PSME4: variants seen among roughly 807,000 people sequenced by gnomAD.
PSME4 encodes the protein proteasome activator subunit 4.
A neutral mutation model predicts 253.9 loss-of-function variants in PSME4; 89 were observed. The observed-to-expected ratio is 0.35, with a 90% CI of 0.30 to 0.42. The LOEUF (loss-of-function observed/expected upper bound fraction) is 0.42, where lower values mean the gene tolerates loss of function less well. Among genes scored for constraint, PSME4 ranks in the 10% least tolerant of loss-of-function variants. The pLI is 1.00. For synonymous variants in PSME4, 851 were observed against 759.2 expected (o/e 1.12, Z -1.99); for missense variants, 2,014 against 2,195.2 (o/e 0.92, Z 1.65).
At chr2:53,866,635 G>T in intron 45 of PSME4, 112 bp downstream of exon 45, 1 of 1,182,562 alleles carries the variant, frequency 8.5e-7, no homozygotes, top group Non-Finnish European at 1.2e-6. Flanking sequence ...CCTTGGCAGA[G>T]GCAGCAGCTT....
intron 36 of PSME4, among the ~76,000 whole-genome samples, chr2:53,891,442 A>G (rs1679901099): frequency 1.3e-5 from 2 of 152,132 alleles, no homozygotes; most frequent in African/African-American, 4.8e-5. Flanking sequence ...AAAAGGATAT[A>G]CCTTGATTTC....
chr2:53,929,092 G>A (rs1376138281), intron 10 of PSME4, among the ~76,000 whole-genome samples: 1 of 151,964 alleles, frequency 6.6e-6, no homozygotes, highest in Non-Finnish European at 1.5e-5. Flanking sequence ...CTTGAACCTG[G>A]GAGGCGGAGG....
At position 53,937,544 on chromosome 2, in the gene PSME4, A is replaced by T; in HGVS notation, c.546-4T>A. 2.5e-6 allele frequency: 4 copies of T among 1,608,926 alleles called. No homozygotes were observed. Among genetic ancestry groups the T allele is most frequent in the African/African-American group, 1.3e-5 (1 of 74,500 alleles). On this transcript the variant is annotated splice_polypyrimidine_tract_variant and splice_region_variant and intron_variant, in intron 4 of 46. Coordinates refer to ENST00000404125, the MANE Select transcript of PSME4 (RefSeq NM_014614.3). ...GGTGGCATCTGCTGGAAAATATCTAATAAAAAAAGAAGGTTTTCATGTATC... is the reference window on the plus strand; with the variant it reads ...GGTGGCATCTGCTGGAAAATATCTATTAAAAAAAGAAGGTTTTCATGTATC...
At chr2:53,867,649 G>T (rs993847066) in intron 44 of PSME4, among the ~76,000 whole-genome samples, 31 of 139,008 alleles carry the variant, frequency 2.2e-4, no homozygotes, top group African/African-American at 8.2e-4. Flanking sequence ...CAAGGAGGGC[G>T]ATAGAGGAAG....
chr2:53,927,540 G>T, intron 11 of PSME4, 57 bp from the exon 12 acceptor site: 1 of 1,213,406 alleles, frequency 8.2e-7, no homozygotes, highest in Non-Finnish European at 1.2e-6. Context: ...AGAAATACAA[G>T]TATACCATGA....
In PSME4 at chr2:53,895,739, A is replaced by G. The variant is rs748236045; in HGVS notation, c.3689-3T>C. The G allele has an allele frequency of 2.5e-6, 4 of 1,578,086 alleles. No homozygotes were observed. The South Asian group carries it at 4.7e-5, about 19-fold the overall frequency. On this transcript the variant is annotated splice_region_variant and splice_polypyrimidine_tract_variant and intron_variant, in intron 32 of 46. Coordinates refer to ENST00000404125, the MANE Select transcript of PSME4 (RefSeq NM_014614.3). Reference sequence around the variant, plus strand: ...TTGGGTGGGTTTAGGGCATCCACCTAAGGAAAAGACAATCACATTTGATGA... The same window carrying G: ...TTGGGTGGGTTTAGGGCATCCACCTGAGGAAAAGACAATCACATTTGATGA...
At chr2:53,912,288 G>A (rs1667860266) in intron 20 of PSME4, among the ~76,000 whole-genome samples, 1 of 152,102 alleles carries the variant, frequency 6.6e-6, no homozygotes, top group Admixed American at 6.5e-5. Context: ...TATGCTGTAG[G>A]TCCAATCCCC....
Position 53,952,636 on chromosome 2 carries a change from A to G in PSME4, c.243-3353T>C, listed in dbSNP as rs185421210. 2.2e-3 allele frequency among the ~76,000 whole-genome samples: 339 copies of G among 152,218 alleles called. 1 individual carries two copies. The highest frequency in any genetic ancestry group is 8.0e-3 in the African/African-American group (331 of 41,524). On this transcript the variant is annotated intron_variant, in intron 1 of 46. Transcript: ENST00000404125. ...ACTTCTGCAGAAAAACTAGAGAAAC[A>G]CTGTACTCTAAGCCAGCAGTCCCCA...
Position 53,926,033 on chromosome 2 carries a change from C to A in PSME4, c.1594-10G>T. ...AAAGTTCTCGTTCCACCTATAATAT[C>A]CCAATATGGAGAAAGATTACATATA... On this transcript the variant is annotated splice_polypyrimidine_tract_variant and intron_variant, in intron 12 of 46. Coordinates refer to ENST00000404125, the MANE Select transcript of PSME4 (RefSeq NM_014614.3). 5 of 1,605,698 alleles carry A rather than the reference C, an allele frequency of 3.1e-6. No homozygotes were observed. Among genetic ancestry groups the A allele is most frequent in the South Asian group, 1.1e-5 (1 of 90,670 alleles).
At chr2:53,894,109 T>C (rs1680034362) in intron 34 of PSME4, among the ~76,000 whole-genome samples, 1 of 152,178 alleles carries the variant, frequency 6.6e-6, no homozygotes, top group Non-Finnish European at 1.5e-5. Context: ...GTGTGCAATT[T>C]GTTAAAATCC....
In PSME4 at chr2:53,895,649, G is replaced by A; in HGVS notation, c.3776C>T (p.Thr1259Ile). The change falls in exon 33 of 47, where the codon ACT becomes ATT. Residue 1259 changes from threonine to isoleucine, a missense_variant. Thr to Ile is a moderately conservative substitution (Grantham distance 89). Transcript: ENST00000404125. Reference sequence around the variant, plus strand: ...GCAACTTGACTCCCATTCTTTTTTAGTTCTTGGTATAGTTTTGCTGTCATA... The same window carrying A: ...GCAACTTGACTCCCATTCTTTTTTAATTCTTGGTATAGTTTTGCTGTCATA... ...LHYDSKTIPR[T>I]KKEWESSCFV... The A allele has an allele frequency of 6.2e-7, 1 of 1,613,292 alleles. No individual in the cohort carries two copies. The highest frequency in any genetic ancestry group is 8.5e-7 in the Non-Finnish European group (1 of 1,179,740).
chr2:53,877,271 T>A (rs1045245806), intron 41 of PSME4, among the ~76,000 whole-genome samples: 59 of 131,386 alleles, frequency 4.5e-4, no homozygotes, highest in African/African-American at 1.6e-3. Context: ...AAAAAAAAAA[T>A]TAGCTGGGCT....
chr2:53,921,199 G>T, intron 17 of PSME4, 95 bp from the exon 18 acceptor site: 2 of 1,530,620 alleles, frequency 1.3e-6, no homozygotes, highest in East Asian at 4.6e-5. Flanking sequence ...CTAACCTAGT[G>T]TTTCTCTAAA....
rs1208029228 is a variant in PSME4 at position 53,908,844 on chromosome 2, T to A, written c.2573-4A>T. ...CGGTGGTTCTCTCGAGACAGATCTA[T>A]TTTGAAAAAATAAAAGAAGGTATTT... On this transcript the variant is annotated splice_region_variant and splice_polypyrimidine_tract_variant and intron_variant, in intron 21 of 46. Transcript: ENST00000404125. The A allele has an allele frequency of 1.3e-6, 2 of 1,595,396 alleles. No homozygotes were observed. Among genetic ancestry groups the A allele is most frequent in the Non-Finnish European group, 1.7e-6 (2 of 1,167,846 alleles).
intron 19 of PSME4, among the ~76,000 whole-genome samples, chr2:53,919,984 A>G (rs1347809833): frequency 1.3e-5 from 2 of 152,212 alleles, no homozygotes; most frequent in Non-Finnish European, 1.5e-5. Context: ...AAAATTAGAA[A>G]AAGAAACCCA....
chr2:53,919,084 C>G (rs1668185245), intron 20 of PSME4, 67 bp downstream of exon 20: 1 of 1,454,816 alleles, frequency 6.9e-7, no homozygotes, highest in South Asian at 1.2e-5. Context: ...CAACAACAAA[C>G]CAATAACTCA....
At chr2:53,914,097 C>T (rs999057665) in intron 20 of PSME4, among the ~76,000 whole-genome samples, 5 of 152,066 alleles carry the variant, frequency 3.3e-5, no homozygotes, top group Admixed American at 6.5e-5. Flanking sequence ...CTAAAAATGA[C>T]GTAATAAATC....
At position 53,899,873 on chromosome 2, in the gene PSME4, T is replaced by A; in HGVS notation, c.3422+8A>T. 1 of 1,612,114 alleles carries A rather than the reference T, an allele frequency of 6.2e-7. No homozygotes were observed. The highest frequency in any genetic ancestry group is 1.1e-5 in the South Asian group (1 of 90,632). On this transcript the variant is annotated splice_region_variant and intron_variant, in intron 29 of 46. Transcript: ENST00000404125. ...GTCATCTATTGAAGTACACCATTCA[T>A]CAATTACCTTAGGGCATCGGCATTC...
chr2:53,887,889 C>T lies in PSME4; in HGVS notation c.4489G>A (p.Val1497Ile). 2 of 1,602,334 alleles carry T rather than the reference C, an allele frequency of 1.2e-6. No homozygotes were observed. The highest frequency in any genetic ancestry group is 8.5e-7 in the Non-Finnish European group (1 of 1,169,616). ...ATTCTTTCTCTGACATTTTTGTAAA[C>T]CTGGGTGAGTTTGGGTTCCAAGTAC... is the stretch of plus-strand genomic sequence containing the variant. ...LKYLEPKLTQ[V>I]YKNVRERIGS... The change falls in exon 39 of 47, where the codon GTT (valine) becomes ATT (isoleucine). Residue 1497 changes from valine to isoleucine, a missense_variant. This residue lies in a region of PSME4 where 403 missense variants were observed against 556.1 expected (regional missense o/e 0.72). Coordinates refer to ENST00000404125, the MANE Select transcript of PSME4 (RefSeq NM_014614.3).
Sources: gnomAD v4.1 joint callset for allele counts (sites outside exome capture counted in the v4.1 genomes callset) on GRCh38, gnomAD v4.1.1 for gene constraint, gnomAD v4.1.1 regional missense constraint, MANE v1.5 for transcripts, NCBI Gene and HGNC (gene_info 2026-07-23, HGNC 2026-07-21) for gene names.